The following MBNL3 variants were observed in gnomAD, a reference collection of about 807,000 sequenced individuals.
The protein encoded by MBNL3 is muscleblind-like protein 3.
A neutral mutation model predicts 24.5 loss-of-function variants in MBNL3; 6 were observed. The observed-to-expected ratio is 0.25, with a 90% confidence interval of 0.13 to 0.48. The LOEUF is 0.48. MBNL3 is among the 20% of genes least tolerant of loss of function. The pLI is 0.99. For synonymous variants in MBNL3, 100 were observed against 101.7 expected, an observed-to-expected ratio of 0.98 and a Z score of 0.10; for missense variants, 230 against 293.5, an observed-to-expected ratio of 0.78 and a Z score of 1.58.
At chrX:132,436,079 G>C (rs1224901422) in intron 2 of MBNL3, among the ~76,000 whole-genome samples, 1 of 111,910 alleles carries the variant, frequency 8.9e-6, no homozygotes, top group Non-Finnish European at 1.9e-5. Context: ...TACCAACCTA[G>C]ATCAATGGCA....
chrX:132,451,242 G>A (rs1486231891), intron 1 of MBNL3, among the ~76,000 whole-genome samples: 7 of 112,585 alleles, frequency 6.2e-5, no homozygotes, highest in South Asian at 3.6e-4. Flanking sequence ...AGGCAGGAAC[G>A]TTTAAGTCTG....
At chrX:132,443,733 A>G (rs1945509477) in intron 1 of MBNL3, among the ~76,000 whole-genome samples, 1 of 111,753 alleles carries the variant, frequency 8.9e-6, no homozygotes, top group African/African-American at 3.3e-5. Flanking sequence ...ACCAAGCACT[A>G]TGATTTAAGA....
chrX:132,456,024 A>G (rs1217907410), intron 1 of MBNL3, among the ~76,000 whole-genome samples: 1 of 111,673 alleles, frequency 9.0e-6, no homozygotes, highest in African/African-American at 3.3e-5. Flanking sequence ...ACTCTACCTG[A>G]TCCTCTCTAC....
chrX:132,400,832 T>C (rs972949323), intron 3 of MBNL3, among the ~76,000 whole-genome samples: 1 of 112,237 alleles, frequency 8.9e-6, no homozygotes, highest in Non-Finnish European at 1.9e-5. Context: ...GTGATATGAT[T>C]TGGTCAACCT....
chrX:132,449,873 G>C (rs948148752), intron 1 of MBNL3, among the ~76,000 whole-genome samples: 1 of 107,413 alleles, frequency 9.3e-6, no homozygotes, highest in Non-Finnish European at 1.9e-5. Context: ...CTCAGCATTT[G>C]CTTGTCTGTA....
chrX:132,481,545 C>T (rs763721749), intron 1 of MBNL3, among the ~76,000 whole-genome samples: 1 of 111,941 alleles, frequency 8.9e-6, no homozygotes, highest in Non-Finnish European at 1.9e-5. Context: ...TTTCTCTCAT[C>T]ATCATCATCA....
At position 132,449,988 on chromosome X, in the gene MBNL3, C is replaced by G. The variant is rs532298909; in HGVS notation, c.-703-9674G>C. On this transcript the variant is annotated intron_variant, in intron 1 of 8. Coordinates refer to ENST00000370853, the MANE Select transcript of MBNL3 (RefSeq NM_001386889.1). ...GAATGCTGAATATTGCCCCCCCCCC[C>G]CCCCCGCCACTTCTGGCTTGTAGGG... Among the ~76,000 whole-genome samples, 64 of 72,937 alleles carry G rather than the reference C, an allele frequency of 8.8e-4. 1 individual carries two copies. Among genetic ancestry groups the G allele is most frequent in the African/African-American group, 2.4e-3 (53 of 21,754 alleles). The allele number at this position is 72,937 out of a possible 115,157, so 63.3% of individuals were successfully genotyped here. A position where few individuals can be genotyped will look rare whatever the true frequency, so the allele number is the denominator to read the frequency against.
At chrX:132,397,885 C>T (rs972184028) in intron 3 of MBNL3, among the ~76,000 whole-genome samples, 1 of 111,027 alleles carries the variant, frequency 9.0e-6, no homozygotes, top group Non-Finnish European at 1.9e-5. Context: ...ATGCAGGCTG[C>T]AGGAGACCCA....
chrX:132,382,648 G>A (rs966499079), intron 7 of MBNL3, among the ~76,000 whole-genome samples: 3 of 112,179 alleles, frequency 2.7e-5, no homozygotes, highest in Non-Finnish European at 5.6e-5. Flanking sequence ...TCTATCTGAA[G>A]CTAGTTAAGC....
intron 2 of MBNL3, among the ~76,000 whole-genome samples, chrX:132,427,003 A>G (rs1944357092): frequency 8.9e-6 from 1 of 111,853 alleles, no homozygotes; most frequent in African/African-American, 3.2e-5. Context: ...ACAACCAAAT[A>G]GTCTTACAAA....
rs369108763 is a variant in MBNL3 at position 132,482,455 on chromosome X, A to G, written c.-704+6396T>C. ...GCCCTTCCTCCTCATTTAGATGGGTAACACTGATTTTCAACTCATCTTCTA... is the reference window on the plus strand; with the variant it reads ...GCCCTTCCTCCTCATTTAGATGGGTGACACTGATTTTCAACTCATCTTCTA... On this transcript the variant is annotated intron_variant, in intron 1 of 8. Coordinates refer to ENST00000370853, the MANE Select transcript of MBNL3 (RefSeq NM_001386889.1). Among the ~76,000 whole-genome samples, 9 of 111,531 alleles carry G rather than the reference A, an allele frequency of 8.1e-5. No individual in the cohort carries two copies. The East Asian group carries it at 2.6e-3, about 32-fold the overall frequency.
intron 2 of MBNL3, among the ~76,000 whole-genome samples, chrX:132,427,481 T>C (rs1222358372): frequency 2.7e-5 from 3 of 112,031 alleles, no homozygotes; most frequent in Non-Finnish European, 5.6e-5. Flanking sequence ...CTAGGATAGG[T>C]ATTTGTGAAA....
chrX:132,426,708 C>T (rs781274226), intron 2 of MBNL3, among the ~76,000 whole-genome samples: 1 of 111,555 alleles, frequency 9.0e-6, no homozygotes, highest in Non-Finnish European at 1.9e-5. Context: ...AATCCCAGTC[C>T]CTACCTGTGC....
At chrX:132,467,676 G>A (rs1388144485) in intron 1 of MBNL3, among the ~76,000 whole-genome samples, 1 of 111,847 alleles carries the variant, frequency 8.9e-6, no homozygotes, top group Non-Finnish European at 1.9e-5. Context: ...TGAATCTCCT[G>A]TAAACCCCAG....
At chrX:132,418,326 G>A (rs754643776) in intron 2 of MBNL3, among the ~76,000 whole-genome samples, 4 of 111,780 alleles carry the variant, frequency 3.6e-5, no homozygotes, top group Admixed American at 9.5e-5. Context: ...GATTTACCAC[G>A]TGCCAGGCAT....
intron 2 of MBNL3, among the ~76,000 whole-genome samples, chrX:132,410,488 A>AG (rs1200442413): frequency 9.1e-6 from 1 of 109,679 alleles, no homozygotes; most frequent in African/African-American, 3.5e-5. Flanking sequence ...AGAGTTAGAG[A>AG]GAAAAAAAAA....
intron 1 of MBNL3, among the ~76,000 whole-genome samples, chrX:132,488,242 A>C (rs1948113054): frequency 9.0e-6 from 1 of 111,433 alleles, no homozygotes; most frequent in Non-Finnish European, 1.9e-5. Flanking sequence ...AAGAGTGCTC[A>C]GAAAAACACA....
intron 2 of MBNL3, among the ~76,000 whole-genome samples, chrX:132,415,463 T>C (rs1293397300): frequency 8.9e-6 from 1 of 112,066 alleles, no homozygotes; most frequent in Non-Finnish European, 1.9e-5. Context: ...ATAAATTAAA[T>C]AATTATGTCT....
intron 8 of MBNL3, among the ~76,000 whole-genome samples, chrX:132,380,380 C>T (rs1030491640): frequency 6.3e-5 from 7 of 111,997 alleles, no homozygotes; most frequent in African/African-American, 2.3e-4. Context: ...GCCACTATCC[C>T]AAATGACACC....
Sources: gnomAD v4.1 joint callset for allele counts (sites outside exome capture counted in the v4.1 genomes callset) on GRCh38, gnomAD v4.1.1 for gene constraint, MANE v1.5 for transcripts, NCBI Gene and HGNC (gene_info 2026-07-23, HGNC 2026-07-21) for gene names.